Variants in QTRT2 observed in about 807,000 individuals in gnomAD.
The protein encoded by QTRT2 is queuine tRNA-ribosyltransferase domain containing 1.
QTRT2 carries 32 observed loss-of-function variants against 44.8 expected under a neutral mutation model. The observed-to-expected ratio is 0.71, with a 90% confidence interval of 0.54 to 0.96. The LOEUF is 0.96. Ranked by LOEUF, QTRT2 falls within the 40% of genes least tolerant of loss-of-function variation. The pLI is 0.00. For missense variants in QTRT2, 461 were observed against 503.1 expected (o/e 0.92, Z 0.80); for synonymous variants, 182 against 187.4 (o/e 0.97, Z 0.24).
At chr3:114,057,895 G>A (rs2076825312) in intron 2 of QTRT2, among the ~76,000 whole-genome samples, 1 of 152,174 alleles carries the variant, frequency 6.6e-6, no homozygotes, top group Non-Finnish European at 1.5e-5. Flanking sequence ...GGGAAAAGAA[G>A]AAGAACACTA....
rs62267092 is a variant in QTRT2, at chr3:114,060,821, G to T, written c.-22+3715G>T. Reference sequence around the variant, plus strand: ...CAACTCTTGTGCTGTGGGGCCAGTCGTAAGTAAAATAAGGGTAACTTGAAC... The same window carrying T: ...CAACTCTTGTGCTGTGGGGCCAGTCTTAAGTAAAATAAGGGTAACTTGAAC... On this transcript the variant is annotated intron_variant, in intron 2 of 9. Coordinates refer to ENST00000281273, the MANE Select transcript of QTRT2 (RefSeq NM_024638.4). Among the ~76,000 whole-genome samples the T allele has an allele frequency of 1.1e-4, 17 of 151,986 alleles. 1 individual carries two copies. The highest frequency in any genetic ancestry group is 1.1e-3 in the Admixed American group (17 of 15,256).
rs751097064 is a variant in QTRT2 at position 114,070,584 on chromosome 3, A to G, written c.334-42A>G. On this transcript the variant is annotated intron_variant, in intron 5 of 9. Coordinates refer to ENST00000281273, the MANE Select transcript of QTRT2 (RefSeq NM_024638.4). ...TTTTAATTATTTTATTTTTATTTGC[A>G]TTTTACTCTTGCTAATTCCTCATCA... The G allele has an allele frequency of 8.6e-6, 13 of 1,512,652 alleles. No homozygotes were observed. The Admixed American group carries it at 2.0e-4, about 24-fold the overall frequency. The allele number at this position is 1,512,652 out of a possible 1,614,324, so 93.7% of individuals were successfully genotyped here. A position where few individuals can be genotyped will look rare whatever the true frequency, so the allele number is the denominator to read the frequency against.
At chr3:114,083,621 G>A (rs1450323858) in intron 9 of QTRT2, among the ~76,000 whole-genome samples, 1 of 152,028 alleles carries the variant, frequency 6.6e-6, no homozygotes, top group Non-Finnish European at 1.5e-5. Context: ...TGGGTTTTTT[G>A]TCTTACGTAA....
At position 114,065,222 on chromosome 3, in the gene QTRT2, C is replaced by T. The variant is rs759014350; in HGVS notation, c.-21-15C>T. 6.3e-7 allele frequency: 1 copy of T among 1,592,252 alleles called. No homozygotes were observed. Among genetic ancestry groups the T allele is most frequent in the Non-Finnish European group, 8.6e-7 (1 of 1,162,574 alleles). On this transcript the variant is annotated splice_polypyrimidine_tract_variant and intron_variant, in intron 2 of 9. Transcript: ENST00000281273. ...TGTGAAGCTCCTTCTATACTTAATG[C>T]TCTTTTCTTGACAGGACCTAGAAGA...
At chr3:114,063,109 GT>G (rs1458712215) in intron 2 of QTRT2, among the ~76,000 whole-genome samples, 3 of 152,182 alleles carry the variant, frequency 2.0e-5, no homozygotes, top group Admixed American at 1.3e-4. Context: ...ATTTTCATTA[GT>G]TCTTATTTGT....
chr3:114,060,041 T>C (rs1443282574), intron 2 of QTRT2, among the ~76,000 whole-genome samples: 1 of 152,058 alleles, frequency 6.6e-6, no homozygotes, highest in African/African-American at 2.4e-5. Flanking sequence ...TCCTTTAGAG[T>C]TACAAAGGAC....
intron 8 of QTRT2, among the ~76,000 whole-genome samples, chr3:114,081,528 A>G (rs1245705529): frequency 6.6e-6 from 1 of 152,192 alleles, no homozygotes; most frequent in Non-Finnish European, 1.5e-5. Flanking sequence ...GTTTAACTTT[A>G]ATGGGCACAA....
At position 114,069,274 on chromosome 3, in the gene QTRT2, C is replaced by T. The variant is rs115289088; in HGVS notation, c.333+1211C>T. Among the ~76,000 whole-genome samples, 510 of 151,572 alleles carry T rather than the reference C, an allele frequency of 3.4e-3. 2 individuals carry two copies. Among genetic ancestry groups the T allele is most frequent in the African/African-American group, 0.012 (490 of 41,280 alleles). On this transcript the variant is annotated intron_variant, in intron 5 of 9. Coordinates refer to ENST00000281273, the MANE Select transcript of QTRT2 (RefSeq NM_024638.4). ...AACTTTTATTTTTGTTTCGGGGGTA[C>T]GTGTAAACATTGTTACATAGGTAAA...
chr3:114,073,250 CA>C (rs2077046650), intron 6 of QTRT2, among the ~76,000 whole-genome samples: 2 of 152,086 alleles, frequency 1.3e-5, no homozygotes, highest in Admixed American at 1.3e-4. Context: ...AAGTAGAAAG[CA>C]GGACAGCGAG....
intron 7 of QTRT2, 45 bp downstream of exon 7, chr3:114,076,987 G>A (rs7631864): frequency 0.28 from 434,469 of 1,562,458 alleles, 62,151 homozygotes; most frequent in Middle Eastern, 0.35. Context: ...GGGATGCAGG[G>A]AAGGAGTGCT....
chr3:114,076,515 T>A (rs1489710431), intron 6 of QTRT2, among the ~76,000 whole-genome samples: 8 of 152,180 alleles, frequency 5.3e-5, no homozygotes, highest in Non-Finnish European at 1.2e-4. Flanking sequence ...GTTGAATGCA[T>A]CTTTTTCCTC....
intron 8 of QTRT2, among the ~76,000 whole-genome samples, chr3:114,081,706 G>A (rs2077167656): frequency 6.6e-6 from 1 of 152,138 alleles, no homozygotes; most frequent in African/African-American, 2.4e-5. Flanking sequence ...CCAAAGTGCT[G>A]GGATTACAGG....
At chr3:114,080,282 A>G (rs1446584654) in intron 8 of QTRT2, among the ~76,000 whole-genome samples, 1 of 152,246 alleles carries the variant, frequency 6.6e-6, no homozygotes, top group Non-Finnish European at 1.5e-5. Context: ...AGTGAAAAGA[A>G]CCAAGAAAAA....
In QTRT2 at chr3:114,079,892, TCTTA is replaced by T. The variant is rs1157499404; in HGVS notation, c.747-10_747-7del. 1 of 1,611,926 alleles carries T rather than the reference TCTTA, an allele frequency of 6.2e-7. No individual in the cohort carries two copies. The highest frequency in any genetic ancestry group is 8.5e-7 in the Non-Finnish European group (1 of 1,178,668). On this transcript the variant is annotated splice_polypyrimidine_tract_variant and intron_variant, in intron 7 of 9. Coordinates refer to ENST00000281273, the MANE Select transcript of QTRT2 (RefSeq NM_024638.4). Reference sequence around the variant, plus strand: ...ATTGTCCTCATGTCACTGTTCTTATTCTTACTTTTACAGGCTCATATCTGGTGTT... The same window carrying T: ...ATTGTCCTCATGTCACTGTTCTTATTCTTTTACAGGCTCATATCTGGTGTT...
At position 114,082,707 on chromosome 3, in the gene QTRT2, TA is replaced by T; in HGVS notation, c.933del (p.Lys311AsnfsTer6). On this transcript the variant is annotated frameshift_variant, in exon 9 of 10. Coordinates refer to ENST00000281273, the MANE Select transcript of QTRT2 (RefSeq NM_024638.4). LOFTEE classifies it high-confidence loss of function. ...CAACAAAATGGAACACAAGAAGAAA[TA>T]AAATGTATGGATCAAATAAAGAAAA... is the stretch of plus-strand genomic sequence containing the variant. ...LLQQNGTQEE[I>X]KCMDQIKKIE... The T allele has an allele frequency of 6.6e-7, 1 of 1,509,746 alleles. No homozygotes were observed. Among genetic ancestry groups the T allele is most frequent in the Non-Finnish European group, 9.0e-7 (1 of 1,105,418 alleles). The allele number at this position is 1,509,746 out of a possible 1,614,324, so 93.5% of individuals were successfully genotyped here.
In QTRT2 at chr3:114,068,064, G is replaced by A. The variant is rs1177854286; in HGVS notation, c.333+1G>A. The A allele has an allele frequency of 1.2e-6, 2 of 1,613,580 alleles. No individual in the cohort carries two copies. The highest frequency in any genetic ancestry group is 1.7e-5 in the Admixed American group (1 of 60,008). On this transcript the variant is annotated splice_donor_variant, in intron 5 of 9. Coordinates refer to ENST00000281273, the MANE Select transcript of QTRT2 (RefSeq NM_024638.4). LOFTEE classifies it high-confidence loss of function. ...CCCGGCTGGTTATGTAACAAACAAG[G>A]TGTGTTTTCAGAAGGGTCTCCAAGG... is the stretch of plus-strand genomic sequence containing the variant.
At chr3:114,072,483 C>T (rs1010948995) in intron 6 of QTRT2, among the ~76,000 whole-genome samples, 1 of 152,072 alleles carries the variant, frequency 6.6e-6, no homozygotes, top group Admixed American at 6.6e-5. Context: ...TCTTTGCTAC[C>T]CCTTTAATTA....
chr3:114,086,045 C>A lies in QTRT2; in HGVS notation c.*141C>A, dbSNP rs2077233324. 2.9e-6 allele frequency: 2 copies of A among 688,096 alleles called. No individual in the cohort carries two copies. The highest frequency in any genetic ancestry group is 4.9e-6 in the Non-Finnish European group (2 of 408,422). 42.6% of individuals were successfully genotyped at this position (688,096 alleles called of 1,614,324 possible). A position where few individuals can be genotyped will look rare whatever the true frequency, so the allele number is the denominator to read the frequency against. Reference sequence around the variant, plus strand: ...CTGCTTAAATAAAGAATCTTTGTACCAAACTGCCCACATGAGGGTGAAGAG... The same window carrying A: ...CTGCTTAAATAAAGAATCTTTGTACAAAACTGCCCACATGAGGGTGAAGAG... On this transcript the variant is annotated 3_prime_UTR_variant, in exon 10 of 10. Coordinates refer to ENST00000281273, the MANE Select transcript of QTRT2 (RefSeq NM_024638.4).
chr3:114,082,204 CCACA>C (rs71146306), intron 8 of QTRT2, among the ~76,000 whole-genome samples: 32,449 of 138,446 alleles, frequency 0.23, 3,938 homozygotes, highest in Non-Finnish European at 0.28. Context: ...GATAACCCCA[CCACA>C]CACACACACA....
Sources: allele counts gnomAD v4.1 joint callset (sites outside exome capture counted in the v4.1 genomes callset), GRCh38; gene constraint gnomAD v4.1.1; transcripts MANE v1.5; gene names NCBI Gene and HGNC (gene_info 2026-07-23, HGNC 2026-07-21).